Variants in MEI4 observed in about 807,000 individuals in gnomAD.
MEI4 encodes meiotic double-stranded break formation protein 4.
A neutral mutation model predicts 31.4 loss-of-function variants in MEI4; 27 were observed. That is an observed-to-expected ratio of 0.86 (90% CI 0.63 to 1.19). The LOEUF is 1.19. MEI4 is among the 50% of genes most tolerant of loss of function. MEI4 has a pLI of 0.00. For missense variants in MEI4, 329 were observed against 398.9 expected (o/e 0.82, Z 1.49); for synonymous variants, 122 against 145.4 (o/e 0.84, Z 1.16).
chr6:77,720,599 G>C (rs1270631647), intron 2 of MEI4, among the ~76,000 whole-genome samples: 1 of 139,748 alleles, frequency 7.2e-6, no homozygotes, highest in Non-Finnish European at 1.6e-5. Context: ...CCTGCCTCTT[G>C]AGTGGGCAGG....
chr6:77,740,149 A>C (rs1045869621), intron 2 of MEI4, among the ~76,000 whole-genome samples: 3 of 152,084 alleles, frequency 2.0e-5, no homozygotes, highest in Non-Finnish European at 4.4e-5. Context: ...TTTTAATTAC[A>C]CTGTCGTCTG....
Position 77,730,987 on chromosome 6 carries a change from A to G in MEI4, c.233-30143A>G, listed in dbSNP as rs557104621. Among the ~76,000 whole-genome samples the G allele has an allele frequency of 4.9e-4, 74 of 151,832 alleles. 1 individual carries two copies. The South Asian group carries it at 0.015, about 30-fold the overall frequency. On this transcript the variant is annotated intron_variant, in intron 2 of 4. Coordinates refer to ENST00000684080, the MANE Select transcript of MEI4 (RefSeq NM_001322247.2). The stretch of plus-strand genomic sequence containing the variant: ...ATTTTTTATGGCTGCATAGTATTCC[A>G]TGGTGTATATGTGCCACATTTTCTT...
chr6:77,768,069 A>AT (rs1768218699), intron 3 of MEI4, among the ~76,000 whole-genome samples: 1 of 152,210 alleles, frequency 6.6e-6, no homozygotes, highest in Non-Finnish European at 1.5e-5. Flanking sequence ...CATGGTTGTT[A>AT]TTACTATCTT....
intron 3 of MEI4, among the ~76,000 whole-genome samples, chr6:77,827,171 T>A (rs1007385655): frequency 4.0e-5 from 6 of 151,740 alleles, no homozygotes; most frequent in South Asian, 4.2e-4. Flanking sequence ...CCATCCTGGC[T>A]AACACGGTGA....
chr6:77,803,277 T>A (rs920643037), intron 3 of MEI4, among the ~76,000 whole-genome samples: 1 of 152,230 alleles, frequency 6.6e-6, no homozygotes, highest in Non-Finnish European at 1.5e-5. Context: ...CTACTGAGGC[T>A]TGTGCATTCG....
chr6:77,742,256 A>G (rs955131071), intron 2 of MEI4, among the ~76,000 whole-genome samples: 3 of 151,188 alleles, frequency 2.0e-5, no homozygotes, highest in South Asian at 2.1e-4. Context: ...AAGTGTTCCT[A>G]TTTCTCCACA....
At chr6:77,742,465 G>A (rs1459771557) in intron 2 of MEI4, among the ~76,000 whole-genome samples, 1 of 152,242 alleles carries the variant, frequency 6.6e-6, no homozygotes, top group South Asian at 2.1e-4. Flanking sequence ...TTTTGATGGG[G>A]TTGTTTGTTT....
chr6:77,807,707 T>C (rs1769473832), intron 3 of MEI4, among the ~76,000 whole-genome samples: 1 of 152,152 alleles, frequency 6.6e-6, no homozygotes, highest in Non-Finnish European at 1.5e-5. Context: ...TAATGGCTCT[T>C]ACCTAGGAAG....
At chr6:77,863,748 C>T (rs1315125759) in intron 4 of MEI4, among the ~76,000 whole-genome samples, 5 of 152,048 alleles carry the variant, frequency 3.3e-5, no homozygotes, top group Admixed American at 1.3e-4. Context: ...AGATACTCCT[C>T]GAGAAGAGCA....
chr6:77,692,639 G>C (rs569804040), intron 2 of MEI4, among the ~76,000 whole-genome samples: 1 of 152,004 alleles, frequency 6.6e-6, no homozygotes, highest in African/African-American at 2.4e-5. Context: ...TTTATGAATG[G>C]TTTCAGAGAG....
intron 4 of MEI4, among the ~76,000 whole-genome samples, chr6:77,877,241 ATGTG>A (rs56962264): frequency 6.0e-5 from 9 of 150,614 alleles, no homozygotes; most frequent in Non-Finnish European, 1.0e-4. Flanking sequence ...TACCAACAGG[ATGTG>A]TGTGTGTGTG....
intron 3 of MEI4, among the ~76,000 whole-genome samples, chr6:77,789,286 T>G (rs1173354500): frequency 2.0e-5 from 3 of 152,146 alleles, no homozygotes; most frequent in Non-Finnish European, 4.4e-5. Context: ...ACATTAGACC[T>G]AAAACCATAA....
At chr6:77,769,201 A>G (rs975469790) in intron 3 of MEI4, among the ~76,000 whole-genome samples, 1 of 152,190 alleles carries the variant, frequency 6.6e-6, no homozygotes, top group Non-Finnish European at 1.5e-5. Flanking sequence ...TTTGGGGTAG[A>G]GAGAACATAC....
intron 3 of MEI4, among the ~76,000 whole-genome samples, chr6:77,791,326 A>G (rs1020575900): frequency 1.8e-4 from 28 of 152,064 alleles, no homozygotes; most frequent in Admixed American, 3.9e-4. Context: ...TGTGGCACAT[A>G]TACACCATGG....
intron 3 of MEI4, among the ~76,000 whole-genome samples, chr6:77,824,800 C>CT (rs1316159031): frequency 6.6e-6 from 1 of 152,104 alleles, no homozygotes; most frequent in Non-Finnish European, 1.5e-5. Context: ...GTATCCAACT[C>CT]TTTTGCCTAA....
intron 3 of MEI4, among the ~76,000 whole-genome samples, chr6:77,817,333 C>A (rs545455907): frequency 1.3e-5 from 2 of 152,038 alleles, no homozygotes; most frequent in African/African-American, 4.8e-5. Context: ...TCTTGAGTTG[C>A]GAGGAGCATC....
At chr6:77,785,853 G>C (rs982687746) in intron 3 of MEI4, among the ~76,000 whole-genome samples, 1 of 152,054 alleles carries the variant, frequency 6.6e-6, no homozygotes, top group Non-Finnish European at 1.5e-5. Flanking sequence ...CATCAGCTTT[G>C]TTGGCTTAAC....
chr6:77,733,631 G>T (rs1767083968), intron 2 of MEI4, among the ~76,000 whole-genome samples: 1 of 151,758 alleles, frequency 6.6e-6, no homozygotes, highest in African/African-American at 2.4e-5. Flanking sequence ...ATTTCCTTCA[G>T]TTCTGCTCTG....
chr6:77,690,822 G>A lies in MEI4; in HGVS notation c.151G>A (p.Val51Ile), dbSNP rs1302311289. The A allele has an allele frequency of 4.1e-6, 5 of 1,231,594 alleles. No individual in the cohort carries two copies. The African/African-American group carries it at 6.2e-5, about 15-fold the overall frequency. 76.3% of individuals were successfully genotyped at this position (1,231,594 alleles called of 1,614,324 possible). A position where few individuals can be genotyped will look rare whatever the true frequency, so the allele number is the denominator to read the frequency against. ...SEEQSKWRSK[V>I]EILEAEVMQL... ...GGAGCAGTCAAAATGGAGATCAAAAGTTGAAATCTTGGAAGCTGAAGTTAT... is the reference window on the plus strand; with the variant it reads ...GGAGCAGTCAAAATGGAGATCAAAAATTGAAATCTTGGAAGCTGAAGTTAT... The change falls in exon 2 of 5, where the codon GTT becomes ATT. Residue 51 changes from valine to isoleucine, a missense_variant. Val to Ile is a conservative substitution (Grantham distance 29). Transcript: ENST00000684080.
Sources: gnomAD v4.1 joint callset for allele counts (sites outside exome capture counted in the v4.1 genomes callset) on GRCh38, gnomAD v4.1.1 for gene constraint, MANE v1.5 for transcripts, NCBI Gene and HGNC (gene_info 2026-07-23, HGNC 2026-07-21) for gene names.